DCAF8L2: variants seen among roughly 807,000 people sequenced by gnomAD.
DCAF8L2 encodes the protein DDB1 and CUL4 associated factor 8 like 2, also known as DDB1- and CUL4-associated factor 8-like protein 2.
For missense variants in DCAF8L2, 430 were observed against 490.7 expected, an observed-to-expected ratio of 0.88 and a Z score of 1.17; for synonymous variants, 200 against 190.9, an observed-to-expected ratio of 1.05 and a Z score of -0.39.
chrX:27,711,970 G>A (rs1312378335), intron 3 of DCAF8L2, among the ~76,000 whole-genome samples: 1 of 111,193 alleles, frequency 9.0e-6, no homozygotes, highest in Non-Finnish European at 1.9e-5. Flanking sequence ...CTAGGTTTTA[G>A]AATTTGTTTG....
intron 4 of DCAF8L2, among the ~76,000 whole-genome samples, chrX:27,739,380 C>T (rs1174217676): frequency 8.9e-6 from 1 of 111,863 alleles, no homozygotes; most frequent in East Asian, 2.8e-4. Context: ...GTCAATCACA[C>T]TCAACTTTGT....
At chrX:27,532,866 AG>A in the DCAF8L2 span, among the ~76,000 whole-genome samples, 6 of 106,129 alleles carry the variant, frequency 5.7e-5, no homozygotes, top group East Asian at 1.8e-3. Context: ...ACTTGAGGTC[AG>A]GTGTTCGAGA....
intron 1 of DCAF8L2, among the ~76,000 whole-genome samples, chrX:27,594,045 A>G (rs899687946): frequency 2.7e-5 from 3 of 112,213 alleles, no homozygotes; most frequent in Non-Finnish European, 3.8e-5. Flanking sequence ...ATATAAGTGC[A>G]TAGATTTGTC....
At chrX:27,523,137 G>A in the DCAF8L2 span, among the ~76,000 whole-genome samples, 42 of 111,287 alleles carry the variant, frequency 3.8e-4, no homozygotes, top group African/African-American at 1.3e-3. Flanking sequence ...TGCTCCTTAC[G>A]AAAGTGAAAT....
intron 2 of DCAF8L2, chrX:27,632,758 T>G (rs1435395069): frequency 8.9e-6 from 1 of 111,777 alleles, no homozygotes; most frequent in Non-Finnish European, 1.9e-5. Context: ...TAGCCAGCTC[T>G]CCTGATTTCC....
chrX:27,578,457 C>T, the DCAF8L2 span, among the ~76,000 whole-genome samples: 3 of 111,293 alleles, frequency 2.7e-5, no homozygotes, highest in African/African-American at 9.8e-5. Flanking sequence ...CTATAAAAAC[C>T]CTAGAAGAAA....
the DCAF8L2 span, among the ~76,000 whole-genome samples, chrX:27,578,617 G>C: frequency 9.0e-6 from 1 of 111,228 alleles, no homozygotes; most frequent in Non-Finnish European, 1.9e-5. Context: ...GAGTGAACAG[G>C]CAACCTACAG....
chrX:27,501,960 G>A, the DCAF8L2 span, among the ~76,000 whole-genome samples: 13 of 110,132 alleles, frequency 1.2e-4, no homozygotes, highest in African/African-American at 4.3e-4. Context: ...ACTGGGGCAA[G>A]GAATATAAAT....
the DCAF8L2 span, among the ~76,000 whole-genome samples, chrX:27,497,552 CTTTCTTT>C: frequency 1.2e-5 from 1 of 86,447 alleles, no homozygotes; most frequent in African/African-American, 5.3e-5. Context: ...TTCCTTCCTT[CTTTCTTT>C]CTTTCTTTCT....
At chrX:27,678,632 C>G (rs1320437618) in intron 3 of DCAF8L2, among the ~76,000 whole-genome samples, 3 of 111,703 alleles carry the variant, frequency 2.7e-5, no homozygotes, top group Non-Finnish European at 5.7e-5. Context: ...TCTGAAGAAG[C>G]TACAACAGGC....
chrX:27,672,818 A>G (rs1370966668), intron 2 of DCAF8L2, among the ~76,000 whole-genome samples: 3 of 112,248 alleles, frequency 2.7e-5, no homozygotes, highest in Admixed American at 9.5e-5. Context: ...AATCTCTCAC[A>G]TTGCCTTTTC....
At position 27,714,820 on chromosome X, in the gene DCAF8L2, G is replaced by A. The variant is rs763808135; in HGVS notation, c.-142-1268G>A. Among the ~76,000 whole-genome samples, 7 of 112,095 alleles carry A rather than the reference G, an allele frequency of 6.2e-5. No individual in the cohort carries two copies. The South Asian group carries it at 1.5e-3, about 24-fold the overall frequency. ...TGCCCTGGATTCTATCAGGTTTGAG[G>A]CCATATTGCCTCAGTCTTTTGAGTA... On this transcript the variant is annotated intron_variant, in intron 3 of 4. Transcript: ENST00000451261.
the DCAF8L2 span, among the ~76,000 whole-genome samples, chrX:27,510,141 T>G: frequency 9.0e-6 from 1 of 111,279 alleles, no homozygotes; most frequent in Non-Finnish European, 1.9e-5. Flanking sequence ...CTTTTTCAGT[T>G]AAAACTGTTT....
chrX:27,722,897 A>G (rs1931947862), intron 4 of DCAF8L2, among the ~76,000 whole-genome samples: 1 of 110,965 alleles, frequency 9.0e-6, no homozygotes. Context: ...ATCCCAGGAG[A>G]ATGATCTGAA....
chrX:27,472,010 G>A, the DCAF8L2 span, among the ~76,000 whole-genome samples: 1 of 111,081 alleles, frequency 9.0e-6, no homozygotes, highest in Non-Finnish European at 1.9e-5. Context: ...CTTATTTCTG[G>A]ATGAGGATAA....
At chrX:27,559,318 C>A in the DCAF8L2 span, among the ~76,000 whole-genome samples, 1 of 111,536 alleles carries the variant, frequency 9.0e-6, no homozygotes, top group Non-Finnish European at 1.9e-5. Flanking sequence ...ATTGTATAAA[C>A]CCTTGAACAA....
the DCAF8L2 span, among the ~76,000 whole-genome samples, chrX:27,473,518 C>T: frequency 9.1e-6 from 1 of 110,454 alleles, no homozygotes; most frequent in Non-Finnish European, 1.9e-5. Context: ...AATGAGAGCT[C>T]ACATATATGC....
At chrX:27,541,039 G>A in the DCAF8L2 span, among the ~76,000 whole-genome samples, 3 of 111,825 alleles carry the variant, frequency 2.7e-5, no homozygotes, top group Admixed American at 9.5e-5. Context: ...GGGGCCAAGG[G>A]CTGCAGGTTC....
rs192695305 is a variant in DCAF8L2, at chrX:27,600,123, T to C, written c.-342+9683T>C. 3.7e-3 allele frequency among the ~76,000 whole-genome samples: 420 copies of C among 112,147 alleles called. 2 individuals are homozygous for C. The highest frequency in any genetic ancestry group is 9.2e-3 in the Middle Eastern group (2 of 218). On this transcript the variant is annotated intron_variant, in intron 1 of 4. Coordinates refer to ENST00000451261, the MANE Select transcript of DCAF8L2 (RefSeq NM_001353450.2). ...AAACTTTTATGGTGCTGCAGTGTTA[T>C]ATTTTTTTATCTAGGTCAGTGGTTA...
Sources: gnomAD v4.1 joint callset for allele counts (sites outside exome capture counted in the v4.1 genomes callset) on GRCh38, gnomAD v4.1.1 for gene constraint, MANE v1.5 for transcripts, NCBI Gene and HGNC (gene_info 2026-07-23, HGNC 2026-07-21) for gene names.